PFKFB1: variants seen among roughly 807,000 people sequenced by gnomAD.
The protein encoded by PFKFB1 is 6-phosphofructo-2-kinase/fructose-2,6-biphosphatase 1.
In PFKFB1, 34 loss-of-function variants were observed where a neutral mutation model predicts 46.4. The observed-to-expected ratio is 0.73, with a 90% CI of 0.56 to 0.98. PFKFB1 has a LOEUF of 0.98. Ranked by LOEUF, PFKFB1 falls within the 50% of genes least tolerant of loss-of-function variation. PFKFB1 has a pLI of 0.00. For synonymous variants in PFKFB1, 119 were observed against 133.8 expected (o/e 0.89, Z 0.76); for missense variants, 393 against 376.3 (o/e 1.04, Z -0.37).
chrX:54,940,185 T>A (rs1179805460), intron 10 of PFKFB1, among the ~76,000 whole-genome samples: 6 of 111,858 alleles, frequency 5.4e-5, no homozygotes, highest in Non-Finnish European at 1.1e-4. Context: ...TTGACAAAAT[T>A]CAGCAGCCCT....
At chrX:54,954,286 G>C (rs1178103841) in intron 7 of PFKFB1, among the ~76,000 whole-genome samples, 2 of 111,294 alleles carry the variant, frequency 1.8e-5, no homozygotes, top group African/African-American at 6.5e-5. Flanking sequence ...GGCCAAGGCG[G>C]GCAGATCATT....
intron 1 of PFKFB1, among the ~76,000 whole-genome samples, chrX:54,985,937 A>G (rs1935102513): frequency 9.0e-6 from 1 of 111,723 alleles, no homozygotes; most frequent in East Asian, 2.8e-4. Context: ...AAGTTAAACT[A>G]GAATAATTCA....
At chrX:54,979,544 G>A (rs1191386261) in intron 1 of PFKFB1, among the ~76,000 whole-genome samples, 1 of 111,651 alleles carries the variant, frequency 9.0e-6, no homozygotes, top group Non-Finnish European at 1.9e-5. Context: ...CTGAGCTGGT[G>A]TGAAACCAAC....
At chrX:54,938,859 G>C (rs925817039) in intron 10 of PFKFB1, among the ~76,000 whole-genome samples, 2 of 111,410 alleles carry the variant, frequency 1.8e-5, no homozygotes, top group Non-Finnish European at 3.8e-5. Flanking sequence ...AGGATATCCA[G>C]GAATTGAACT....
chrX:54,952,605 AC>A (rs1934021907), intron 7 of PFKFB1, among the ~76,000 whole-genome samples: 1 of 107,217 alleles, frequency 9.3e-6, no homozygotes, highest in Non-Finnish European at 1.9e-5. Context: ...ACACACAGCT[AC>A]CAGATTGCCT....
chrX:54,992,091 A>C (rs1247777445), intron 1 of PFKFB1, among the ~76,000 whole-genome samples: 1 of 111,111 alleles, frequency 9.0e-6, no homozygotes, highest in East Asian at 2.8e-4. Flanking sequence ...GATAAAATTT[A>C]GTCAAATATT....
chrX:54,972,203 T>G (rs1171736295), intron 1 of PFKFB1, among the ~76,000 whole-genome samples: 3 of 111,760 alleles, frequency 2.7e-5, no homozygotes, highest in Admixed American at 9.5e-5. Context: ...CCTGACACTT[T>G]GCTGAAGTTG....
intron 3 of PFKFB1, 54 bp downstream of exon 3, chrX:54,960,770 C>A (rs1770421154): frequency 6.1e-6 from 5 of 821,657 alleles, no homozygotes; most frequent in African/African-American, 6.0e-5. Context: ...AATATCTGAA[C>A]AAGGGCCTTT....
chrX:54,971,237 G>C (rs1934644304), intron 1 of PFKFB1, among the ~76,000 whole-genome samples: 1 of 71,415 alleles, frequency 1.4e-5, no homozygotes, highest in African/African-American at 5.3e-5. Flanking sequence ...CTGGATATTA[G>C]CCCTTTGTCA....
At chrX:54,941,907 G>A (rs1223715565) in intron 10 of PFKFB1, among the ~76,000 whole-genome samples, 2 of 112,036 alleles carry the variant, frequency 1.8e-5, no homozygotes, top group African/African-American at 3.2e-5. Context: ...ATACCCAAAG[G>A]AGTATAAATT....
At chrX:54,963,493 G>A (rs1934382438) in intron 1 of PFKFB1, 111 bp from the exon 2 acceptor site, 13 of 795,676 alleles carry the variant, frequency 1.6e-5, no homozygotes, top group Admixed American at 3.5e-5. Context: ...TTACAGTAAC[G>A]AAAAAACCGG....
At chrX:54,958,704 T>C in intron 5 of PFKFB1, 147 bp downstream of exon 5, 1 of 458,205 alleles carries the variant, frequency 2.2e-6, no homozygotes, top group Non-Finnish European at 3.9e-6. Context: ...TTGCTGCTTC[T>C]GACTATATCC....
intron 1 of PFKFB1, among the ~76,000 whole-genome samples, chrX:54,977,078 T>A (rs747925982): frequency 6.3e-5 from 7 of 110,710 alleles, no homozygotes; most frequent in Non-Finnish European, 1.3e-4. Context: ...TCTGACTTTA[T>A]ACGTTTGTCA....
intron 1 of PFKFB1, among the ~76,000 whole-genome samples, chrX:54,986,699 A>C (rs12009010): frequency 0.038 from 4,289 of 111,827 alleles, 222 homozygotes; most frequent in African/African-American, 0.13. Context: ...AAACATCTGT[A>C]AAACACTCCA....
intron 1 of PFKFB1, among the ~76,000 whole-genome samples, chrX:54,971,854 G>T (rs1349493842): frequency 9.0e-6 from 1 of 111,332 alleles, no homozygotes; most frequent in Non-Finnish European, 1.9e-5. Flanking sequence ...CTTTAAAGTA[G>T]TTTTTTCCAA....
chrX:54,986,483 G>T (rs1015557287), intron 1 of PFKFB1, among the ~76,000 whole-genome samples: 1 of 111,794 alleles, frequency 8.9e-6, no homozygotes, highest in Non-Finnish European at 1.9e-5. Flanking sequence ...AATCCATAAT[G>T]AATATATCAC....
At chrX:54,975,920 A>C (rs2146667406) in intron 1 of PFKFB1, among the ~76,000 whole-genome samples, 1 of 111,534 alleles carries the variant, frequency 9.0e-6, no homozygotes, top group East Asian at 2.8e-4. Flanking sequence ...TGAATACTTA[A>C]ACCTTACCCA....
At chrX:54,940,941 CT>C (rs1473161325) in intron 10 of PFKFB1, among the ~76,000 whole-genome samples, 1 of 111,662 alleles carries the variant, frequency 9.0e-6, no homozygotes, top group East Asian at 2.8e-4. Context: ...CAAGTCAATC[CT>C]AAGTCAAAAG....
chrX:54,955,360 C>T (rs1322107996), intron 7 of PFKFB1, among the ~76,000 whole-genome samples: 3 of 111,341 alleles, frequency 2.7e-5, no homozygotes, highest in African/African-American at 6.5e-5. Context: ...ATACTTCTCA[C>T]TTGGGGTCTC....
Sources: allele counts gnomAD v4.1 joint callset (sites outside exome capture counted in the v4.1 genomes callset), GRCh38; gene constraint gnomAD v4.1.1; transcripts MANE v1.5; gene names NCBI Gene and HGNC (gene_info 2026-07-23, HGNC 2026-07-21).